Variants in MYO10 observed in about 807,000 individuals in gnomAD.
The protein encoded by MYO10 is unconventional myosin-X.
In MYO10, 133 loss-of-function variants were observed where a neutral mutation model predicts 257.3. That is an observed-to-expected ratio of 0.52 (90% CI 0.45 to 0.60). MYO10 has a LOEUF of 0.60. Among genes scored for constraint, MYO10 ranks in the 20% least tolerant of loss-of-function variants. The pLI, the probability that MYO10 is intolerant of heterozygous loss-of-function variation, is 0.00. For synonymous variants in MYO10, 1,104 were observed against 1,028.6 expected, an observed-to-expected ratio of 1.07 and a Z score of -1.40; for missense variants, 2,399 against 2,635.7, an observed-to-expected ratio of 0.91 and a Z score of 1.97.
intron 18 of MYO10, among the ~76,000 whole-genome samples, chr5:16,755,327 G>A (rs1049558914): frequency 5.9e-5 from 9 of 152,082 alleles, no homozygotes; most frequent in Non-Finnish European, 1.2e-4. Context: ...CACCATGCCC[G>A]GAGAATTTTT....
chr5:16,808,712 C>G (rs1024885363), intron 3 of MYO10, among the ~76,000 whole-genome samples: 2 of 152,118 alleles, frequency 1.3e-5, no homozygotes, highest in African/African-American at 4.8e-5. Context: ...CACTCTATTG[C>G]ATAGGCTGGA....
rs139359363 is a variant in MYO10, at chr5:16,738,002, G to A, written c.1929+16826C>T. ...TTTCAGTTCAAAGTGCTAAACAGGTGAAGCAGAGTAGCACGGAACTAGAAA... is the reference window on the plus strand; with the variant it reads ...TTTCAGTTCAAAGTGCTAAACAGGTAAAGCAGAGTAGCACGGAACTAGAAA... On this transcript the variant is annotated intron_variant, in intron 19 of 40. Transcript: ENST00000513610. 539 of 630,478 alleles carry A rather than the reference G, an allele frequency of 8.5e-4. 2 individuals are homozygous for A. The African/African-American group carries it at 0.01, about 12-fold the overall frequency. The allele number at this position is 630,478 out of a possible 1,614,324, so 39.1% of individuals were successfully genotyped here.
chr5:16,750,040 C>T (rs1336531215), intron 19 of MYO10, among the ~76,000 whole-genome samples: 1 of 152,110 alleles, frequency 6.6e-6, no homozygotes, highest in African/African-American at 2.4e-5. Flanking sequence ...ACCGCCACCG[C>T]CCAAGCAAAT....
intron 19 of MYO10, among the ~76,000 whole-genome samples, chr5:16,711,587 G>T (rs1209896543): frequency 2.6e-5 from 4 of 152,098 alleles, no homozygotes; most frequent in Admixed American, 2.0e-4. Context: ...TTTGAGACCA[G>T]CCTGGCCAAT....
At chr5:16,706,570 G>C (rs1738356416) in intron 21 of MYO10, among the ~76,000 whole-genome samples, 1 of 152,148 alleles carries the variant, frequency 6.6e-6, no homozygotes, top group African/African-American at 2.4e-5. Context: ...CTTGGGGAAG[G>C]GGGTGGTGGT....
intron 1 of MYO10, among the ~76,000 whole-genome samples, chr5:16,900,850 CT>C (rs1364537366): frequency 6.6e-6 from 1 of 151,036 alleles, no homozygotes; most frequent in East Asian, 2.0e-4. Flanking sequence ...AACAATTCTC[CT>C]GCCTCAGCCT....
Position 16,672,697 on chromosome 5 carries a change from C to G in MYO10, c.5301G>C (p.Lys1767Asn). 6.2e-7 allele frequency: 1 copy of G among 1,613,998 alleles called. No individual in the cohort carries two copies. Among genetic ancestry groups the G allele is most frequent in the Non-Finnish European group, 8.5e-7 (1 of 1,179,874 alleles). Reference protein sequence around the residue: ...SRTVVADVLAKFEKLAATSEV... With the variant: ...SRTVVADVLANFEKLAATSEV... The stretch of plus-strand genomic sequence containing the variant: ...AGGGAAAAGGAACCTACTTTTCAAA[C>G]TTGGCTAAGACATCAGCTACGACGG... Residue 1767 changes from lysine to asparagine, a missense_variant, in exon 37 of 41, where the codon AAG becomes AAC. By Grantham distance (94) the Lys-to-Asn change is moderately conservative (BLOSUM62 0). Coordinates refer to ENST00000513610, the MANE Select transcript of MYO10 (RefSeq NM_012334.3).
rs1736040193 is a variant in MYO10 at position 16,663,325 on chromosome 5, GTTGT to G, written c.*3363_*3366del. 4 of 41,304 alleles carry G rather than the reference GTTGT, an allele frequency of 9.7e-5. No homozygotes were observed. Among genetic ancestry groups the G allele is most frequent in the Admixed American group, 2.5e-4 (1 of 3,966 alleles). The allele number at this position is 41,304 out of a possible 1,614,324, so 2.6% of individuals were successfully genotyped here. ...GGAAAAAAGTAACATTTTACTTCTAGTTGTTTTTTTTTTTTTTTTTTTTTTTTTT... is the reference window on the plus strand; with the variant it reads ...GGAAAAAAGTAACATTTTACTTCTAGTTTTTTTTTTTTTTTTTTTTTTTTT... On this transcript the variant is annotated 3_prime_UTR_variant, in exon 41 of 41. Transcript: ENST00000513610.
chr5:16,866,493 T>C (rs565598164), intron 2 of MYO10, among the ~76,000 whole-genome samples: 184 of 152,246 alleles, frequency 1.2e-3, no homozygotes, highest in Non-Finnish European at 2.2e-3. Context: ...TAACCCTTTA[T>C]GGCCTCTAGA....
intron 2 of MYO10, 25 bp downstream of exon 2, chr5:16,877,584 G>C (rs527498736): frequency 3.0e-5 from 48 of 1,577,764 alleles, no homozygotes; most frequent in Admixed American, 5.0e-5. Context: ...ATGGATGTTG[G>C]GAAGCTGCAG....
At chr5:16,911,277 C>T (rs1004073415) in intron 1 of MYO10, among the ~76,000 whole-genome samples, 6 of 152,222 alleles carry the variant, frequency 3.9e-5, no homozygotes, top group African/African-American at 1.2e-4. Context: ...CTAAAACTAA[C>T]CTAAACCAAC....
intron 29 of MYO10, among the ~76,000 whole-genome samples, chr5:16,685,193 C>T (rs1016106705): frequency 1.3e-5 from 2 of 152,148 alleles, no homozygotes; most frequent in African/African-American, 2.4e-5. Context: ...TGTATTACTA[C>T]TTACAACCTT....
rs1272760475 is a variant in MYO10, at chr5:16,762,102, A to G, written c.1599T>C (p.Phe533=). 3 of 1,454,294 alleles carry G rather than the reference A, an allele frequency of 2.1e-6. No individual in the cohort carries two copies. Among genetic ancestry groups the G allele is most frequent in the Non-Finnish European group, 2.7e-6 (3 of 1,095,906 alleles). The allele number at this position is 1,454,294 out of a possible 1,614,324, so 90.1% of individuals were successfully genotyped here. ...KLHSQHANNH[F]YVKPRVAVNN... ...TAACTGCAACTCTGGGCTTCACATA[A>G]AAGTGGTTATTCTAAAAAAAAAAAA... The change falls in exon 16 of 41, where the codon TTT becomes TTC. Residue 533 remains phenylalanine, a synonymous_variant. Transcript: ENST00000513610.
Position 16,671,042 on chromosome 5 carries a change from G to A in MYO10, c.5431-64C>T, listed in dbSNP as rs1310281769. 3.6e-5 allele frequency: 50 copies of A among 1,399,738 alleles called. 1 individual carries two copies. Among genetic ancestry groups the A allele is most frequent in the South Asian group, 8.3e-5 (6 of 72,540 alleles). The allele number at this position is 1,399,738 out of a possible 1,614,324, so 86.7% of individuals were successfully genotyped here. On this transcript the variant is annotated intron_variant, in intron 38 of 40. Transcript: ENST00000513610. ...TGCCATGCCATGGGATGCCCACGTC[G>A]CTTGCTCCCTCACTTCATGAGGGTT... is the stretch of plus-strand genomic sequence containing the variant.
intron 3 of MYO10, 82 bp downstream of exon 3, chr5:16,817,927 G>A (rs1434125236): frequency 1.7e-6 from 2 of 1,149,158 alleles, no homozygotes; most frequent in South Asian, 2.9e-5. Flanking sequence ...TTCTCAAAAG[G>A]CAAGAAATAC....
intron 19 of MYO10, among the ~76,000 whole-genome samples, chr5:16,716,327 C>G (rs1189670144): frequency 6.6e-6 from 1 of 151,902 alleles, no homozygotes; most frequent in African/African-American, 2.4e-5. Flanking sequence ...ACAGGCAATC[C>G]TTACCTCCTG....
In MYO10 at chr5:16,682,008, T is replaced by C. The variant is rs1425732284; in HGVS notation, c.4052A>G (p.Asn1351Ser). Residue 1351 changes from asparagine (N) to serine (S), a missense_variant, in exon 31 of 41, where the codon AAC becomes AGC. Asn to Ser is a conservative substitution (Grantham distance 46). Coordinates refer to ENST00000513610, the MANE Select transcript of MYO10 (RefSeq NM_012334.3). ...VCASDSPDRP[N>S]SFVIITANRV... The stretch of plus-strand genomic sequence containing the variant: ...GTTGGCCGTGATGATCACAAACGAG[T>C]TGGGTCTGAGCCACAAGATGAGAAG... 4 of 1,612,914 alleles carry C rather than the reference T, an allele frequency of 2.5e-6. No individual in the cohort carries two copies. Among genetic ancestry groups the C allele is most frequent in the African/African-American group, 2.7e-5 (2 of 74,848 alleles).
intron 2 of MYO10, among the ~76,000 whole-genome samples, chr5:16,866,025 A>G (rs961369638): frequency 7.4e-6 from 1 of 134,922 alleles, no homozygotes; most frequent in Non-Finnish European, 1.7e-5. Flanking sequence ...ACACACACAC[A>G]CACACACACA....
At chr5:16,879,178 C>CA (rs1744692150) in intron 1 of MYO10, among the ~76,000 whole-genome samples, 1 of 152,150 alleles carries the variant, frequency 6.6e-6, no homozygotes. Context: ...TATCACTTGA[C>CA]ATAGCACTTG....
Sources: gnomAD v4.1 joint callset for allele counts (sites outside exome capture counted in the v4.1 genomes callset) on GRCh38, gnomAD v4.1.1 for gene constraint, MANE v1.5 for transcripts, NCBI Gene and HGNC (gene_info 2026-07-23, HGNC 2026-07-21) for gene names.